The following ATG7 variants were observed in gnomAD, a reference collection of about 807,000 sequenced individuals.
ATG7 encodes ubiquitin-like modifier-activating enzyme ATG7.
ATG7 carries 70 observed loss-of-function variants against 82.4 expected under a neutral mutation model. The ratio of observed to expected loss-of-function variants is 0.85; its 90% CI spans 0.70 to 1.04. The LOEUF (loss-of-function observed/expected upper bound fraction) is 1.04, where lower values mean the gene tolerates loss of function less well. Ranked by LOEUF, ATG7 falls within the 50% of genes least tolerant of loss-of-function variation. The pLI is 0.00. For missense variants in ATG7, 792 were observed against 864.3 expected (o/e 0.92, Z 1.05); for synonymous variants, 287 against 313.0 (o/e 0.92, Z 0.88).
In ATG7 at chr3:11,295,767, C is replaced by CT. The variant is rs1480084187; in HGVS notation, c.-10-2916dup. 6.1e-4 allele frequency among the ~76,000 whole-genome samples: 23 copies of CT among 37,826 alleles called. No homozygotes were observed. The East Asian group carries it at 0.022, about 36-fold the overall frequency. 24.8% of individuals were successfully genotyped at this position (37,826 alleles called of 152,430 possible). A position where few individuals can be genotyped will look rare whatever the true frequency, so the allele number is the denominator to read the frequency against. ...TTTGTTTTACTGGTTCTATTTCTTT[C>CT]TTTCTTTTCTTTCTTTCTTTCTTTT... On this transcript the variant is annotated intron_variant, in intron 3 of 20. Coordinates refer to ENST00000693202, the MANE Select transcript of ATG7 (RefSeq NM_001349232.2).
intron 5 of ATG7, among the ~76,000 whole-genome samples, chr3:11,303,792 C>A (rs531389881): frequency 4.0e-5 from 6 of 150,598 alleles, no homozygotes; most frequent in Non-Finnish European, 8.9e-5. Context: ...ATTTTCTTTT[C>A]GGCCGGGCGC....
chr3:11,533,669 C>G (rs909623637), intron 20 of ATG7, among the ~76,000 whole-genome samples: 1 of 151,902 alleles, frequency 6.6e-6, no homozygotes, highest in African/African-American at 2.4e-5. Flanking sequence ...CAAGGGAACA[C>G]ATGGAGCTGA....
chr3:11,405,984 TTTTGTTTTTG>T (rs1303673145), intron 19 of ATG7, among the ~76,000 whole-genome samples: 5 of 44,888 alleles, frequency 1.1e-4, no homozygotes, highest in African/African-American at 2.2e-4. Context: ...CCTTGCTTTT[TTTTGTTTTTG>T]TTTTTGTTTT....
intron 9 of ATG7, among the ~76,000 whole-genome samples, chr3:11,322,715 G>A (rs754698548): frequency 4.6e-5 from 7 of 152,146 alleles, no homozygotes; most frequent in Non-Finnish European, 8.8e-5. Flanking sequence ...ACTGCTTTGT[G>A]CATCAAATTT....
intron 20 of ATG7, among the ~76,000 whole-genome samples, chr3:11,475,149 G>C (rs2088001121): frequency 6.6e-6 from 1 of 151,896 alleles, no homozygotes; most frequent in Non-Finnish European, 1.5e-5. Flanking sequence ...TATTGTTATT[G>C]ACATCATAGA....
At chr3:11,344,606 C>T (rs183356406) in intron 13 of ATG7, among the ~76,000 whole-genome samples, 1 of 152,224 alleles carries the variant, frequency 6.6e-6, no homozygotes. Flanking sequence ...GTGGCTCACA[C>T]CTGCAATCCC....
chr3:11,313,984 A>G (rs1949045007), intron 8 of ATG7, among the ~76,000 whole-genome samples: 1 of 152,162 alleles, frequency 6.6e-6, no homozygotes, highest in African/African-American at 2.4e-5. Context: ...AGTAAGGGGG[A>G]ATTATAGGAA....
intron 18 of ATG7, among the ~76,000 whole-genome samples, chr3:11,377,217 G>T (rs112720751): frequency 0.011 from 1,613 of 152,294 alleles, 31 homozygotes; most frequent in African/African-American, 0.036. Flanking sequence ...TTCCTGTCTT[G>T]AATTATCTAA....
At chr3:11,436,196 A>G (rs774114843) in intron 20 of ATG7, among the ~76,000 whole-genome samples, 6 of 152,248 alleles carry the variant, frequency 3.9e-5, no homozygotes, top group Non-Finnish European at 8.8e-5. Context: ...TATACAGATA[A>G]TCACATGATA....
At chr3:11,493,419 A>G (rs184877739) in intron 20 of ATG7, among the ~76,000 whole-genome samples, 44 of 152,324 alleles carry the variant, frequency 2.9e-4, no homozygotes, top group East Asian at 7.7e-4. Context: ...GCAACATTCA[A>G]TTGGTAAAAA....
intron 3 of ATG7, among the ~76,000 whole-genome samples, chr3:11,292,208 C>T (rs1207667467): frequency 6.6e-6 from 1 of 151,948 alleles, no homozygotes; most frequent in African/African-American, 2.4e-5. Context: ...CCCTACTTTC[C>T]TAGCTGTATA....
chr3:11,422,899 C>T (rs1256380494), intron 19 of ATG7, among the ~76,000 whole-genome samples: 5 of 151,822 alleles, frequency 3.3e-5, no homozygotes, highest in South Asian at 2.1e-4. Context: ...GGATTACAGG[C>T]GTGCGCCACT....
At chr3:11,551,057 C>CT (rs1466897854) in intron 20 of ATG7, among the ~76,000 whole-genome samples, 2 of 152,110 alleles carry the variant, frequency 1.3e-5, no homozygotes, top group African/African-American at 4.8e-5. Context: ...TTTAAAAAGT[C>CT]TATCTTTTCG....
At chr3:11,371,973 G>C (rs1235007421) in intron 18 of ATG7, among the ~76,000 whole-genome samples, 2 of 151,290 alleles carry the variant, frequency 1.3e-5, no homozygotes, top group Non-Finnish European at 2.9e-5. Context: ...CCGGGAGCGA[G>C]GCCAAACAAC....
At chr3:11,344,365 T>C (rs560129603) in intron 13 of ATG7, among the ~76,000 whole-genome samples, 1 of 152,350 alleles carries the variant, frequency 6.6e-6, no homozygotes, top group East Asian at 1.9e-4. Context: ...TTAATTTTGA[T>C]GTTGGTTTCT....
chr3:11,371,240 G>C (rs556790973), intron 18 of ATG7, among the ~76,000 whole-genome samples: 3 of 151,198 alleles, frequency 2.0e-5, no homozygotes, highest in Non-Finnish European at 4.4e-5. Flanking sequence ...ATTTGAAAGG[G>C]AAAAGGAAGA....
intron 20 of ATG7, among the ~76,000 whole-genome samples, chr3:11,498,188 C>T (rs2091008604): frequency 1.3e-5 from 2 of 152,144 alleles, no homozygotes; most frequent in South Asian, 2.1e-4. Context: ...CATAACCCAC[C>T]TCTTTCTCTA....
chr3:11,483,656 A>C (rs1340314630), intron 20 of ATG7, among the ~76,000 whole-genome samples: 1 of 152,234 alleles, frequency 6.6e-6, no homozygotes, highest in Non-Finnish European at 1.5e-5. Context: ...AGTGGAGCTT[A>C]ATCTGTTTAT....
intron 11 of ATG7, among the ~76,000 whole-genome samples, chr3:11,335,292 G>T (rs1575524882): frequency 6.6e-6 from 1 of 152,024 alleles, no homozygotes; most frequent in Non-Finnish European, 1.5e-5. Flanking sequence ...AGTCGCAGGG[G>T]TGTCCAATCT....
Sources: gnomAD v4.1 joint callset for allele counts (sites outside exome capture counted in the v4.1 genomes callset) on GRCh38, gnomAD v4.1.1 for gene constraint, MANE v1.5 for transcripts, NCBI Gene and HGNC (gene_info 2026-07-23, HGNC 2026-07-21) for gene names.